ANKDD1A: variants seen among roughly 807,000 people sequenced by gnomAD.
ANKDD1A encodes the protein ankyrin repeat and death domain containing 1A.
ANKDD1A carries 59 observed loss-of-function variants against 63.5 expected under a neutral mutation model. The ratio of observed to expected loss-of-function variants is 0.93; its 90% confidence interval spans 0.75 to 1.15. The LOEUF (loss-of-function observed/expected upper bound fraction) is 1.15, where lower values mean the gene tolerates loss of function less well. Among genes scored for constraint, ANKDD1A ranks in the 50% most tolerant of loss-of-function variants. ANKDD1A has a pLI of 0.00. For missense variants in ANKDD1A, 632 were observed against 656.4 expected (o/e 0.96, Z 0.41); for synonymous variants, 266 against 263.9 (o/e 1.01, Z -0.08).
In ANKDD1A at chr15:64,934,145, A is replaced by G; in HGVS notation, c.778A>G (p.Ser260Gly). Residue 260 changes from serine to glycine, a missense_variant, in exon 9 of 15, where the codon AGC (serine) becomes GGC (glycine). Coordinates refer to ENST00000319580, the MANE Select transcript of ANKDD1A (RefSeq NM_182703.6). ...GCCTGTTTCCTTCTAGAAAAACCTAAGCTGCCTTCACTATGCAGCCCTCAG... is the reference window on the plus strand; with the variant it reads ...GCCTGTTTCCTTCTAGAAAAACCTAGGCTGCCTTCACTATGCAGCCCTCAG... ...TVNALTQKNLSCLHYAALSGS... is the reference protein window; with the variant it reads ...TVNALTQKNLGCLHYAALSGS... 6.2e-7 allele frequency: 1 copy of G among 1,608,806 alleles called. No individual in the cohort carries two copies. The highest frequency in any genetic ancestry group is 8.5e-7 in the Non-Finnish European group (1 of 1,176,806).
chr15:64,920,866 A>G (rs999792311), intron 3 of ANKDD1A, among the ~76,000 whole-genome samples: 3 of 152,084 alleles, frequency 2.0e-5, no homozygotes, highest in African/African-American at 7.2e-5. Context: ...GGAGATTTAA[A>G]CAGTCCATTC....
In ANKDD1A at chr15:64,958,133, C is replaced by CAGTG. The variant is rs1308717871; in HGVS notation, c.*947_*950dup. On this transcript the variant is annotated 3_prime_UTR_variant, in exon 15 of 15. Transcript: ENST00000319580. ...AAAACTACAAAGACAGTAAAAAGATCAGTGATTTCCAGGAGCTGCAAGGGC... is the reference window on the plus strand; with the variant it reads ...AAAACTACAAAGACAGTAAAAAGATCAGTGAGTGATTTCCAGGAGCTGCAAGGGC... 2.0e-5 allele frequency: 3 copies of CAGTG among 152,128 alleles called. No homozygotes were observed. The highest frequency in any genetic ancestry group is 4.4e-5 in the Non-Finnish European group (3 of 68,054). The allele number at this position is 152,128 out of a possible 1,614,324, so 9.4% of individuals were successfully genotyped here.
At chr15:64,933,648 C>A (rs1169535097) in intron 8 of ANKDD1A, among the ~76,000 whole-genome samples, 2 of 152,178 alleles carry the variant, frequency 1.3e-5, no homozygotes, top group African/African-American at 4.8e-5. Flanking sequence ...TCAAGACCAG[C>A]CTGGCCAACA....
intron 14 of ANKDD1A, chr15:64,951,420 CTCT>C (rs1566915611): frequency 1.7e-5 from 2 of 116,962 alleles, no homozygotes; most frequent in African/African-American, 1.4e-4. Context: ...TCTTTTCTTC[CTCT>C]TTTCTTCTTT....
At chr15:64,954,930 C>CCTT (rs145149466) in intron 14 of ANKDD1A, among the ~76,000 whole-genome samples, 126,112 of 147,930 alleles carry the variant, frequency 0.85, 56,041 homozygotes, top group East Asian at 0.99. Context: ...TCCTTCTTCT[C>CCTT]CTTCTTCTTG....
At chr15:64,912,230 G>T (rs985159962) in intron 1 of ANKDD1A, among the ~76,000 whole-genome samples, 5 of 152,206 alleles carry the variant, frequency 3.3e-5, no homozygotes, top group African/African-American at 1.2e-4. Context: ...AGGTAATAGC[G>T]ATCCTTGACT....
intron 14 of ANKDD1A, among the ~76,000 whole-genome samples, chr15:64,954,887 C>CTCCTTCT (rs906729853): frequency 2.1e-5 from 3 of 143,820 alleles, no homozygotes; most frequent in African/African-American, 7.8e-5. Context: ...CCTTCTCCTC[C>CTCCTTCT]TCCTTCTTCC....
At chr15:64,923,995 A>G (rs889654230) in intron 4 of ANKDD1A, among the ~76,000 whole-genome samples, 6 of 152,216 alleles carry the variant, frequency 3.9e-5, no homozygotes, top group African/African-American at 7.2e-5. Flanking sequence ...AAATCACTCT[A>G]AAATTTAAAC....
intron 13 of ANKDD1A, among the ~76,000 whole-genome samples, chr15:64,948,051 A>AC (rs1362220150): frequency 6.6e-6 from 1 of 151,906 alleles, no homozygotes; most frequent in Non-Finnish European, 1.5e-5. Context: ...ATCAACTAAA[A>AC]AAATCTTAGA....
chr15:64,933,485 C>T (rs2085105284), intron 8 of ANKDD1A, among the ~76,000 whole-genome samples: 1 of 152,206 alleles, frequency 6.6e-6, no homozygotes, highest in South Asian at 2.1e-4. Context: ...CCAGCTTGTG[C>T]TGGGCAGTGC....
chr15:64,918,350 T>A (rs1489725503), intron 3 of ANKDD1A, among the ~76,000 whole-genome samples: 1 of 152,230 alleles, frequency 6.6e-6, no homozygotes, highest in African/African-American at 2.4e-5. Context: ...TTCTCTCTGC[T>A]CCCAGGCCTC....
chr15:64,918,300 C>T (rs2084984683), intron 3 of ANKDD1A, among the ~76,000 whole-genome samples: 2 of 152,200 alleles, frequency 1.3e-5, no homozygotes, highest in East Asian at 1.9e-4. Flanking sequence ...TTCCCTGCAG[C>T]GACTTAGTTG....
Position 64,926,931 on chromosome 15 carries a change from G to A in ANKDD1A, c.502G>A (p.Glu168Lys). 2 of 1,614,220 alleles carry A rather than the reference G, an allele frequency of 1.2e-6. No individual in the cohort carries two copies. The highest frequency in any genetic ancestry group is 1.7e-6 in the Non-Finnish European group (2 of 1,180,050). The change falls in exon 6 of 15, where the codon GAG (glutamate) becomes AAG (lysine). Residue 168 changes from glutamate (E) to lysine (K), a missense_variant. Glu to Lys is a moderately conservative substitution (Grantham distance 56). Coordinates refer to ENST00000319580, the MANE Select transcript of ANKDD1A (RefSeq NM_182703.6). The part of the protein sequence containing the change: ...LGRTAFHRAA[E>K]HGQLDALDFL... The stretch of plus-strand genomic sequence containing the variant: ...GAGGACGGCGTTTCACAGGGCAGCT[G>A]AGCACGGGCAGCTGGATGCTCTGGA...
chr15:64,927,019 C>T lies in ANKDD1A; in HGVS notation c.570+20C>T. On this transcript the variant is annotated intron_variant, in intron 6 of 14. Transcript: ENST00000319580. ...GACAAGGTACCGTGTCCGTGAGGCT[C>T]TGGGATCCTGACCAGGGTGCAAAAC... The T allele has an allele frequency of 6.2e-7, 1 of 1,613,664 alleles. No individual in the cohort carries two copies. Among genetic ancestry groups the T allele is most frequent in the Non-Finnish European group, 8.5e-7 (1 of 1,179,600 alleles).
rs1320524496 is a variant in ANKDD1A at position 64,951,100 on chromosome 15, T to TA, written c.1483+1134dup. The TA allele has an allele frequency of 1.6e-5, 19 of 1,178,874 alleles. No individual in the cohort carries two copies. The East Asian group carries it at 6.1e-4, about 38-fold the overall frequency. The allele number at this position is 1,178,874 out of a possible 1,614,324, so 73.0% of individuals were successfully genotyped here. ...AGATGACCATCATTTAAGGGCTTTTTAAAAAATCACTGTTAACAGACCTCC... is the reference window on the plus strand; with the variant it reads ...AGATGACCATCATTTAAGGGCTTTTTAAAAAAATCACTGTTAACAGACCTCC... On this transcript the variant is annotated intron_variant, in intron 14 of 14. Transcript: ENST00000319580.
rs537769348 is a variant in ANKDD1A at position 64,912,100 on chromosome 15, G to A, written c.34+136G>A. The A allele has an allele frequency of 1.3e-4, 115 of 908,638 alleles. 1 individual carries two copies. In the Middle Eastern group the frequency reaches 1.4e-3, roughly 11 times the overall value. 56.3% of individuals were successfully genotyped at this position (908,638 alleles called of 1,614,324 possible). A position where few individuals can be genotyped will look rare whatever the true frequency, so the allele number is the denominator to read the frequency against. ...GTGGGGCGTCTGTGTGGCTCCGAGC[G>A]GAATGGTTACCGGTCCGCGCACTGG... On this transcript the variant is annotated intron_variant, in intron 1 of 14. Transcript: ENST00000319580.
chr15:64,941,983 T>A (rs1274255382), intron 9 of ANKDD1A, among the ~76,000 whole-genome samples: 2 of 152,188 alleles, frequency 1.3e-5, no homozygotes, highest in Admixed American at 6.5e-5. Flanking sequence ...TCATCGTTCC[T>A]ATTAGCTAAG....
chr15:64,950,183 G>A lies in ANKDD1A; in HGVS notation c.1483+211G>A. On this transcript the variant is annotated intron_variant, in intron 14 of 14. Coordinates refer to ENST00000319580, the MANE Select transcript of ANKDD1A (RefSeq NM_182703.6). ...CCCCATCTGTGCAATGAGGGTGTTG[G>A]CCCAAACTGAACCCTGTGACCTTCA... is the stretch of plus-strand genomic sequence containing the variant. 5 of 985,352 alleles carry A rather than the reference G, an allele frequency of 5.1e-6. No individual in the cohort carries two copies. The South Asian group carries it at 1.9e-4, about 37-fold the overall frequency. 61.0% of individuals were successfully genotyped at this position (985,352 alleles called of 1,614,324 possible).
chr15:64,923,073 G>A (rs909983824), intron 4 of ANKDD1A, among the ~76,000 whole-genome samples: 1 of 152,048 alleles, frequency 6.6e-6, no homozygotes. Context: ...CAATATAATT[G>A]GTTTCCTTTT....
Sources: gnomAD v4.1 joint callset for allele counts (sites outside exome capture counted in the v4.1 genomes callset) on GRCh38, gnomAD v4.1.1 for gene constraint, MANE v1.5 for transcripts, NCBI Gene and HGNC (gene_info 2026-07-23, HGNC 2026-07-21) for gene names.